SASH1: variants seen among roughly 807,000 people sequenced by gnomAD.
The protein encoded by SASH1 is SAM and SH3 domain-containing protein 1.
A neutral mutation model predicts 125.2 loss-of-function variants in SASH1; 44 were observed. The ratio of observed to expected loss-of-function variants is 0.35; its 90% CI spans 0.28 to 0.45. SASH1 has a LOEUF of 0.45. SASH1 is among the 20% of genes least tolerant of loss of function. The pLI is 1.00. For missense variants in SASH1, 1,426 were observed against 1,614.5 expected (o/e 0.88, Z 2.00); for synonymous variants, 639 against 649.1 (o/e 0.98, Z 0.24).
intron 1 of SASH1, among the ~76,000 whole-genome samples, chr6:148,356,704 C>T (rs1781960683): frequency 1.3e-5 from 2 of 152,142 alleles, no homozygotes; most frequent in Non-Finnish European, 2.9e-5. Flanking sequence ...ATCCTCCAGC[C>T]TTGGCCTCCC....
intron 1 of SASH1, among the ~76,000 whole-genome samples, chr6:148,381,455 T>C (rs1462928614): frequency 1.3e-5 from 2 of 151,704 alleles, no homozygotes; most frequent in Admixed American, 1.3e-4. Context: ...AAGAGAAAAA[T>C]GCAGAGGACC....
the SASH1 span, among the ~76,000 whole-genome samples, chr6:148,257,602 C>T: frequency 2.4e-3 from 357 of 151,086 alleles, 1 homozygote; most frequent in African/African-American, 8.1e-3. Flanking sequence ...ATTAAGTACA[C>T]ATGCTATATT....
the SASH1 span, among the ~76,000 whole-genome samples, chr6:148,231,079 A>G: frequency 4.7e-3 from 711 of 152,282 alleles, 2 homozygotes; most frequent in African/African-American, 0.016. Context: ...GTTTACTTCT[A>G]TGTTTTCTTC....
chr6:148,352,579 AGAGT>A (rs1781770848), intron 1 of SASH1, among the ~76,000 whole-genome samples: 1 of 150,322 alleles, frequency 6.7e-6, no homozygotes, highest in African/African-American at 2.5e-5. Context: ...CCTGGGAGAC[AGAGT>A]GAGACTCCTT....
chr6:148,376,194 G>A (rs1166411862), intron 1 of SASH1, among the ~76,000 whole-genome samples: 1 of 152,090 alleles, frequency 6.6e-6, no homozygotes, highest in Non-Finnish European at 1.5e-5. Flanking sequence ...AGCCTCCCAA[G>A]TAGCTAGGAT....
chr6:148,212,448 T>C, the SASH1 span, among the ~76,000 whole-genome samples: 1 of 152,174 alleles, frequency 6.6e-6, no homozygotes, highest in Non-Finnish European at 1.5e-5. Context: ...ACATCTTAAT[T>C]GCTTCTTCTC....
At chr6:148,271,448 G>T (rs1779059846), upstream of SASH1, among the ~76,000 whole-genome samples, 1 of 152,120 alleles carries the variant, frequency 6.6e-6, no homozygotes, top group Admixed American at 6.5e-5. Context: ...ACTATTCACT[G>T]ATGTTACCAA....
chr6:148,255,288 C>T, the SASH1 span, among the ~76,000 whole-genome samples: 6 of 152,198 alleles, frequency 3.9e-5, no homozygotes, highest in African/African-American at 7.2e-5. Flanking sequence ...GGCTTGCAGA[C>T]AGCTTCTACT....
At chr6:148,285,869 T>A (rs1344360276) in intron 1 of SASH1, among the ~76,000 whole-genome samples, 3 of 152,198 alleles carry the variant, frequency 2.0e-5, no homozygotes, top group Non-Finnish European at 1.5e-5. Flanking sequence ...GTGCCTCAGA[T>A]TCTTTCTGTA....
chr6:148,260,282 A>G, the SASH1 span, among the ~76,000 whole-genome samples: 1 of 152,132 alleles, frequency 6.6e-6, no homozygotes, highest in Non-Finnish European at 1.5e-5. Context: ...ATTATGAAAT[A>G]TTTGTTGGAA....
chr6:148,305,519 A>G (rs1780102334), intron 1 of SASH1, among the ~76,000 whole-genome samples: 1 of 150,578 alleles, frequency 6.6e-6, no homozygotes, highest in South Asian at 2.1e-4. Flanking sequence ...GCTACTCGAG[A>G]GGCTGAGGCA....
the SASH1 span, among the ~76,000 whole-genome samples, chr6:148,263,585 T>G: frequency 6.6e-6 from 1 of 152,226 alleles, no homozygotes; most frequent in African/African-American, 2.4e-5. Context: ...TTAAAACTGA[T>G]GACTCTAGCG....
At chr6:148,524,881 G>A (rs1245757482) in intron 10 of SASH1, 1 of 155,278 alleles carries the variant, frequency 6.4e-6, no homozygotes, top group African/African-American at 2.4e-5. Context: ...CAGGATGCCT[G>A]AGTACATGGA....
chr6:148,254,191 G>A, the SASH1 span, among the ~76,000 whole-genome samples: 2 of 151,542 alleles, frequency 1.3e-5, no homozygotes, highest in Non-Finnish European at 2.9e-5. Context: ...TGGGCTACAA[G>A]CATGAAACTC....
intron 1 of SASH1, among the ~76,000 whole-genome samples, chr6:148,353,299 A>C (rs949405323): frequency 6.6e-6 from 1 of 151,238 alleles, no homozygotes. Context: ...CTGATCTTGA[A>C]CTCTTGGCCT....
Position 148,543,831 on chromosome 6 carries a change from G to T in SASH1, c.2361G>T (p.Leu787=). 1 of 1,614,050 alleles carries T rather than the reference G, an allele frequency of 6.2e-7. No homozygotes were observed. Among genetic ancestry groups the T allele is most frequent in the African/African-American group, 1.3e-5 (1 of 74,922 alleles). The change falls in exon 18 of 20, where the codon CTG becomes CTT. Residue 787 remains leucine (L), a synonymous_variant. Coordinates refer to ENST00000367467, the MANE Select transcript of SASH1 (RefSeq NM_015278.5). ...AGCAGGGACAGGAGGAGGGCAGGCT[G>T]GGTGGTGGCCTTGCCCCAGACACGT... is the stretch of plus-strand genomic sequence containing the variant. ...ALKQGQEEGR[L]GGGLAPDTSK...
intron 1 of SASH1, among the ~76,000 whole-genome samples, chr6:148,352,642 T>TAAAG (rs1256499736): frequency 0.012 from 1,847 of 150,970 alleles, 78 homozygotes; most frequent in Non-Finnish European, 0.017. Context: ...AATAAATAAA[T>TAAAG]AGAACTGTGC....
rs145318049 is a variant in SASH1, at chr6:148,380,153, T to A, written c.157-9981T>A. Among the ~76,000 whole-genome samples, 1,248 of 152,274 alleles carry A rather than the reference T, an allele frequency of 8.2e-3. 16 individuals are homozygous for A. The highest frequency in any genetic ancestry group is 0.025 in the African/African-American group (1,034 of 41,544). The stretch of plus-strand genomic sequence containing the variant: ...TGATTGAGTTGTCTGGACTCCTGCG[T>A]CTCACTTACCAGTTGCGCCGGGGAG... On this transcript the variant is annotated intron_variant, in intron 1 of 19. Coordinates refer to ENST00000367467, the MANE Select transcript of SASH1 (RefSeq NM_015278.5).
chr6:148,411,642 C>T (rs1052047306), intron 2 of SASH1, among the ~76,000 whole-genome samples: 3 of 152,108 alleles, frequency 2.0e-5, no homozygotes, highest in African/African-American at 7.2e-5. Flanking sequence ...CTCCCGGGTT[C>T]AAGCGATTCT....
Sources: gnomAD v4.1 joint callset for allele counts (sites outside exome capture counted in the v4.1 genomes callset) on GRCh38, gnomAD v4.1.1 for gene constraint, MANE v1.5 for transcripts, NCBI Gene and HGNC (gene_info 2026-07-23, HGNC 2026-07-21) for gene names.